NKAIN3: variants seen among roughly 807,000 people sequenced by gnomAD.
NKAIN3 encodes sodium/potassium transporting ATPase interacting 3.
In NKAIN3, 25 loss-of-function variants were observed where a neutral mutation model predicts 30.2. That is an observed-to-expected ratio of 0.83 (90% CI 0.60 to 1.16). The LOEUF is 1.16. Among genes scored for constraint, NKAIN3 ranks in the 50% most tolerant of loss-of-function variants. The pLI, the probability that NKAIN3 is intolerant of heterozygous loss-of-function variation, is 0.00. For missense variants in NKAIN3, 225 were observed against 254.1 expected, an observed-to-expected ratio of 0.89 and a Z score of 0.78; for synonymous variants, 91 against 89.6, an observed-to-expected ratio of 1.02 and a Z score of -0.09.
chr8:62,316,330 G>T (rs2129589034), intron 1 of NKAIN3, among the ~76,000 whole-genome samples: 1 of 152,148 alleles, frequency 6.6e-6, no homozygotes, highest in East Asian at 1.9e-4. Context: ...TGCACAAGGT[G>T]CAGGTTAGTT....
chr8:62,996,214 A>T (rs1585653626), intron 5 of NKAIN3, among the ~76,000 whole-genome samples: 2 of 150,598 alleles, frequency 1.3e-5, no homozygotes, highest in South Asian at 4.2e-4. Context: ...AGGCCTCAGA[A>T]AACTTACAAT....
At chr8:62,799,328 G>T (rs980643125) in intron 4 of NKAIN3, among the ~76,000 whole-genome samples, 3 of 152,062 alleles carry the variant, frequency 2.0e-5, no homozygotes, top group East Asian at 3.9e-4. Context: ...AGTGTACAAA[G>T]AACTCAAACA....
intron 3 of NKAIN3, among the ~76,000 whole-genome samples, chr8:62,726,054 A>G (rs1815246940): frequency 6.6e-6 from 1 of 151,824 alleles, no homozygotes; most frequent in Non-Finnish European, 1.5e-5. Context: ...TAGATATTTC[A>G]CTTCTTTGGT....
rs774201609 is a variant in NKAIN3 at position 62,970,031 on chromosome 8, C to T, written c.*4624C>T. On this transcript the variant is annotated 3_prime_UTR_variant, in exon 7 of 7. Transcript: ENST00000623646. ...GCAAAATAGTGAGACCGTATCTCTA[C>T]AAAAACAAACAAATAAACAAAAAAT... is the stretch of plus-strand genomic sequence containing the variant. Among the ~76,000 whole-genome samples the T allele has an allele frequency of 4.6e-5, 7 of 151,262 alleles. No homozygotes were observed. Among genetic ancestry groups the T allele is most frequent in the Non-Finnish European group, 1.0e-4 (7 of 67,896 alleles).
chr8:62,757,176 G>A (rs1471279741), intron 4 of NKAIN3, among the ~76,000 whole-genome samples: 2 of 152,066 alleles, frequency 1.3e-5, no homozygotes, highest in African/African-American at 2.4e-5. Flanking sequence ...TTTTATTGGT[G>A]CATTACTTGG....
chr8:62,279,862 T>A (rs1813112998), intron 1 of NKAIN3, among the ~76,000 whole-genome samples: 1 of 152,326 alleles, frequency 6.6e-6, no homozygotes, highest in Admixed American at 6.5e-5. Context: ...TGTGGGCTCT[T>A]TTTTGGTTCC....
intron 3 of NKAIN3, among the ~76,000 whole-genome samples, chr8:62,651,952 GT>G (rs1362001986): frequency 6.6e-6 from 1 of 152,074 alleles, no homozygotes; most frequent in Non-Finnish European, 1.5e-5. Context: ...TGCCATGCTT[GT>G]ACAGCCTGCA....
intron 4 of NKAIN3, among the ~76,000 whole-genome samples, chr8:62,800,933 G>A (rs57259426): frequency 0.18 from 27,095 of 151,918 alleles, 2,546 homozygotes; most frequent in East Asian, 0.29. Context: ...CTTTTCCAAC[G>A]GGCTTAAAAA....
At chr8:62,619,496 C>T (rs78718446) in intron 3 of NKAIN3, among the ~76,000 whole-genome samples, 16,296 of 152,074 alleles carry the variant, frequency 0.11, 1,098 homozygotes, top group East Asian at 0.32. Flanking sequence ...TGGAAGCCCC[C>T]GCTTTAATTT....
At chr8:62,748,630 A>G (rs1816166067) in intron 4 of NKAIN3, among the ~76,000 whole-genome samples, 1 of 152,226 alleles carries the variant, frequency 6.6e-6, no homozygotes, top group South Asian at 2.1e-4. Flanking sequence ...AAGTTTTAAA[A>G]TGATGTTTCA....
intron 4 of NKAIN3, among the ~76,000 whole-genome samples, chr8:62,775,658 CA>C (rs1181176326): frequency 6.6e-6 from 1 of 151,902 alleles, no homozygotes; most frequent in African/African-American, 2.4e-5. Context: ...TTTATTGACC[CA>C]CTGGTCATTC....
intron 4 of NKAIN3, among the ~76,000 whole-genome samples, chr8:62,834,017 T>G (rs896400942): frequency 1.3e-5 from 2 of 152,106 alleles, no homozygotes; most frequent in Non-Finnish European, 2.9e-5. Flanking sequence ...CAAGGTTGGT[T>G]CAACATATGC....
At chr8:62,863,577 G>A (rs181671613) in intron 4 of NKAIN3, 16 of 1,161,652 alleles carry the variant, frequency 1.4e-5, no homozygotes, top group Middle Eastern at 2.1e-4. Context: ...ATGCAGACAT[G>A]TATCCCATTC....
intron 1 of NKAIN3, among the ~76,000 whole-genome samples, chr8:62,491,799 G>C (rs16929044): frequency 0.073 from 11,151 of 152,030 alleles, 513 homozygotes; most frequent in African/African-American, 0.13. Context: ...CATGAGTAAG[G>C]GAGAGTATTG....
At chr8:62,943,690 T>C (rs544082477) in intron 5 of NKAIN3, among the ~76,000 whole-genome samples, 1 of 150,128 alleles carries the variant, frequency 6.7e-6, no homozygotes, top group Admixed American at 6.7e-5. Context: ...TATTTATATG[T>C]GTGTGTGTGT....
intron 4 of NKAIN3, among the ~76,000 whole-genome samples, chr8:62,754,975 C>A (rs1355434032): frequency 6.6e-6 from 1 of 152,114 alleles, no homozygotes; most frequent in African/African-American, 2.4e-5. Context: ...TGTACCTCTC[C>A]AAAAATGTAA....
At chr8:62,356,503 C>A (rs1368310214) in intron 1 of NKAIN3, among the ~76,000 whole-genome samples, 1 of 152,124 alleles carries the variant, frequency 6.6e-6, no homozygotes, top group African/African-American at 2.4e-5. Context: ...AAATTTCAAA[C>A]CTGGAAAGAG....
intron 3 of NKAIN3, among the ~76,000 whole-genome samples, chr8:62,636,809 T>C (rs944708401): frequency 3.3e-5 from 5 of 152,210 alleles, no homozygotes; most frequent in Admixed American, 1.3e-4. Flanking sequence ...CCAATTAATC[T>C]TATGTTCATA....
intron 3 of NKAIN3, among the ~76,000 whole-genome samples, chr8:62,716,754 A>T (rs1270922462): frequency 6.6e-6 from 1 of 151,708 alleles, no homozygotes; most frequent in Non-Finnish European, 1.5e-5. Flanking sequence ...AAAAAAAAAA[A>T]CAAACAAAAC....
Sources: gnomAD v4.1 joint callset for allele counts (sites outside exome capture counted in the v4.1 genomes callset) on GRCh38, gnomAD v4.1.1 for gene constraint, MANE v1.5 for transcripts, NCBI Gene and HGNC (gene_info 2026-07-23, HGNC 2026-07-21) for gene names.